The following DHX57 variants were observed in gnomAD, a reference collection of about 807,000 sequenced individuals.
DHX57 encodes the protein putative ATP-dependent RNA helicase DHX57.
A neutral mutation model predicts 156.2 loss-of-function variants in DHX57; 105 were observed. That is an observed-to-expected ratio of 0.67 (90% CI 0.57 to 0.79). The LOEUF (loss-of-function observed/expected upper bound fraction) is 0.79. DHX57 is among the 30% of genes least tolerant of loss of function. The probability of loss-of-function intolerance (pLI) is 0.00; values close to 1 mark genes in which losing one functional copy is unlikely to be tolerated. For missense variants in DHX57, 1,847 were observed against 1,661.9 expected (o/e 1.11, Z -1.94); for synonymous variants, 704 against 595.6 (o/e 1.18, Z -2.65).
At chr2:38,822,381 C>T (rs1342899346) in intron 17 of DHX57, among the ~76,000 whole-genome samples, 1 of 151,298 alleles carries the variant, frequency 6.6e-6, no homozygotes, top group Non-Finnish European at 1.5e-5. Context: ...ACGCCAGGCC[C>T]TAAAGAAGAA....
At chr2:38,813,290 G>C (rs1670364044) in intron 21 of DHX57, among the ~76,000 whole-genome samples, 1 of 152,116 alleles carries the variant, frequency 6.6e-6, no homozygotes, top group African/African-American at 2.4e-5. Context: ...ATGTCAGAAG[G>C]ATTAAAAATT....
intron 13 of DHX57, among the ~76,000 whole-genome samples, chr2:38,830,713 G>A (rs1337044459): frequency 6.6e-6 from 1 of 151,950 alleles, no homozygotes; most frequent in Non-Finnish European, 1.5e-5. Context: ...TAGTAAGCAT[G>A]GAGCTTGGAC....
At position 38,805,133 on chromosome 2, in the gene DHX57, CA is replaced by C. The variant is rs200764703; in HGVS notation, c.3816+1425del. Among the ~76,000 whole-genome samples the C allele has an allele frequency of 7.5e-3, 1,137 of 152,176 alleles. 8 individuals carry two copies. Among genetic ancestry groups the C allele is most frequent in the African/African-American group, 0.025 (1,045 of 41,528 alleles). On this transcript the variant is annotated intron_variant, in intron 22 of 23. Coordinates refer to ENST00000457308, the MANE Select transcript of DHX57 (RefSeq NM_198963.3). ...GAGTAGTTCTTTCTTGAGAAACATG[CA>C]AAACAACAACAACAAAAAGTATATA...
chr2:38,828,310 G>A, intron 14 of DHX57, 30 bp downstream of exon 14: 1 of 1,558,100 alleles, frequency 6.4e-7, no homozygotes, highest in African/African-American at 1.4e-5. Context: ...TGCAATGGAT[G>A]ATTAAGAATA....
chr2:38,854,205 C>A lies in DHX57; in HGVS notation c.1906-27G>T. ...TTACACATGAAAGGGCAATATAAAT[C>A]ATTAATAAAATTTTCAAAAAAAGGA... On this transcript the variant is annotated intron_variant, in intron 8 of 23. Coordinates refer to ENST00000457308, the MANE Select transcript of DHX57 (RefSeq NM_198963.3). The A allele has an allele frequency of 1.9e-6, 3 of 1,600,988 alleles. No individual in the cohort carries two copies. The South Asian group carries it at 3.4e-5, about 18-fold the overall frequency.
intron 2 of DHX57, 128 bp downstream of exon 2, chr2:38,868,053 AG>A: frequency 8.5e-7 from 1 of 1,169,652 alleles, no homozygotes; most frequent in Non-Finnish European, 1.2e-6. Flanking sequence ...TCTTCAGAAA[AG>A]GGTTACAAAG....
chr2:38,868,886 C>T (rs1008058902), intron 1 of DHX57, among the ~76,000 whole-genome samples: 2 of 152,158 alleles, frequency 1.3e-5, no homozygotes, highest in African/African-American at 4.8e-5. Context: ...ACTGCAACCT[C>T]TGCCTCCTGG....
intron 11 of DHX57, among the ~76,000 whole-genome samples, chr2:38,843,461 C>T (rs1481614308): frequency 6.6e-6 from 1 of 152,200 alleles, no homozygotes; most frequent in African/African-American, 2.4e-5. Context: ...ATGGCATGGA[C>T]ATTCAGAAAA....
intron 8 of DHX57, 131 bp downstream of exon 8, chr2:38,854,926 G>T (rs1327127997): frequency 1.2e-6 from 1 of 853,924 alleles, no homozygotes; most frequent in Non-Finnish European, 1.9e-6. Flanking sequence ...GATTACCAAA[G>T]GTAATCATTA....
chr2:38,842,984 T>C, intron 12 of DHX57, 21 bp downstream of exon 12: 1 of 1,608,276 alleles, frequency 6.2e-7, no homozygotes, highest in Non-Finnish European at 8.5e-7. Context: ...AATTATAATA[T>C]TCCCCCAAGA....
chr2:38,849,210 A>G (rs1672453191), intron 9 of DHX57, among the ~76,000 whole-genome samples: 1 of 152,224 alleles, frequency 6.6e-6, no homozygotes, highest in African/African-American at 2.4e-5. Context: ...CAGTCTATGA[A>G]ATAACATGAA....
intron 19 of DHX57, among the ~76,000 whole-genome samples, chr2:38,818,586 G>A (rs1163991284): frequency 1.3e-5 from 2 of 152,074 alleles, no homozygotes; most frequent in Non-Finnish European, 2.9e-5. Flanking sequence ...TGTAATTACT[G>A]AAAAAACTGA....
At chr2:38,859,746 G>A (rs1442662423) in intron 5 of DHX57, among the ~76,000 whole-genome samples, 1 of 151,280 alleles carries the variant, frequency 6.6e-6, no homozygotes, top group African/African-American at 2.4e-5. Context: ...TTTACCCAAG[G>A]ACTCTCATGA....
intron 13 of DHX57, among the ~76,000 whole-genome samples, chr2:38,831,103 T>G (rs1215871701): frequency 6.7e-6 from 1 of 150,108 alleles, no homozygotes; most frequent in African/African-American, 2.4e-5. Context: ...TATTAAAAGA[T>G]AAGCAAAAAG....
At chr2:38,834,433 G>A (rs772823727) in intron 13 of DHX57, among the ~76,000 whole-genome samples, 4 of 150,254 alleles carry the variant, frequency 2.7e-5, no homozygotes, top group Admixed American at 6.6e-5. Flanking sequence ...AAATGATTTT[G>A]TAGCCACCTC....
chr2:38,801,959 G>A (rs377499481), intron 23 of DHX57, among the ~76,000 whole-genome samples: 2 of 152,162 alleles, frequency 1.3e-5, no homozygotes, highest in African/African-American at 2.4e-5. Flanking sequence ...TCCATATAGG[G>A]AATAATTGAG....
intron 21 of DHX57, among the ~76,000 whole-genome samples, chr2:38,809,808 A>G (rs1365332822): frequency 2.6e-5 from 4 of 151,974 alleles, no homozygotes; most frequent in Non-Finnish European, 5.9e-5. Flanking sequence ...GTAACACTGA[A>G]TATAATTTTT....
At chr2:38,820,984 A>G (rs79096988) in intron 17 of DHX57, among the ~76,000 whole-genome samples, 1,732 of 152,208 alleles carry the variant, frequency 0.011, 19 homozygotes, top group East Asian at 0.055. Flanking sequence ...TGACCATAAA[A>G]CAAAGCTCAA....
At chr2:38,850,644 T>C (rs1486511289) in intron 9 of DHX57, among the ~76,000 whole-genome samples, 2 of 152,138 alleles carry the variant, frequency 1.3e-5, no homozygotes, top group Non-Finnish European at 2.9e-5. Flanking sequence ...CTTAGCTCTT[T>C]TTAATGAGCT....
Sources: allele counts gnomAD v4.1 joint callset (sites outside exome capture counted in the v4.1 genomes callset), GRCh38; gene constraint gnomAD v4.1.1; transcripts MANE v1.5; gene names NCBI Gene and HGNC (gene_info 2026-07-23, HGNC 2026-07-21).